Variants in DNAH3 observed in about 807,000 individuals in gnomAD.
DNAH3 encodes the protein dynein axonemal heavy chain 3.
A neutral mutation model predicts 432.5 loss-of-function variants in DNAH3; 332 were observed. That is an observed-to-expected ratio of 0.77 (90% CI 0.70 to 0.84). DNAH3 has a LOEUF of 0.84. Among genes scored for constraint, DNAH3 ranks in the 40% least tolerant of loss-of-function variants. The probability of loss-of-function intolerance (pLI) is 0.00; values close to 1 mark genes in which losing one functional copy is unlikely to be tolerated. For synonymous variants in DNAH3, 1,956 were observed against 1,900.2 expected (o/e 1.03, Z -0.76); for missense variants, 4,861 against 5,114.0 (o/e 0.95, Z 1.51).
At chr16:20,982,833 G>A (rs773516017) in exon 49 of DNAH3, 28 of 1,614,198 alleles carry the variant, frequency 1.7e-5, no homozygotes, top group South Asian at 3.3e-5. Context: ...CAATTGATCA[G>A]CGAAGGGAAC....
chr16:20,978,312 T>C (rs1190469785), intron 50 of DNAH3, among the ~76,000 whole-genome samples: 4 of 152,156 alleles, frequency 2.6e-5, no homozygotes, highest in Admixed American at 6.5e-5. Flanking sequence ...GCAGATCACC[T>C]GAGGTCAGGA....
chr16:21,136,503 T>C lies in DNAH3; in HGVS notation c.707A>G (p.Tyr236Cys), dbSNP rs371665649. Residue 236 changes from tyrosine (Y) to cysteine (C), a missense_variant, in exon 6 of 62, where the codon TAC becomes TGC. Physicochemically the swap from Tyr to Cys is radical, Grantham distance 194. Coordinates refer to ENST00000261383, the Ensembl canonical transcript of DNAH3. ...TTTGCGAATTCCATTGGTCAGATAG[T>C]AATAGTATCTCTTCCATAAACAAAC... 4 of 1,613,972 alleles carry C rather than the reference T, an allele frequency of 2.5e-6. No individual in the cohort carries two copies. In the African/African-American group the frequency reaches 5.3e-5, roughly 22 times the overall value.
chr16:21,136,371 A>T, exon 6 of DNAH3: 1 of 1,614,024 alleles, frequency 6.2e-7, no homozygotes, highest in Non-Finnish European at 8.5e-7. Flanking sequence ...CTTCTCCTGC[A>T]CGAGGACCAC....
chr16:20,944,646 G>A (rs2083963178), exon 58 of DNAH3: 8 of 1,614,068 alleles, frequency 5.0e-6, no homozygotes, highest in Non-Finnish European at 6.8e-6. Context: ...GGAGATTCCT[G>A]AGATAGTCGA....
rs182741425 is a variant in DNAH3 at position 21,015,322 on chromosome 16, T to C, written c.6022+4302A>G. Among the ~76,000 whole-genome samples the C allele has an allele frequency of 3.7e-4, 57 of 152,292 alleles. No individual in the cohort carries two copies. In the Middle Eastern group the frequency reaches 0.014, roughly 36 times the overall value. On this transcript the variant is annotated intron_variant, in intron 41 of 61. Coordinates refer to ENST00000261383, the Ensembl canonical transcript of DNAH3. ...TCTAAAAATTTCACATACTGTATGATTCCAAGAATATCATGTCTTGGAAAA... is the reference window on the plus strand; with the variant it reads ...TCTAAAAATTTCACATACTGTATGACTCCAAGAATATCATGTCTTGGAAAA...
At chr16:21,070,780 T>C in exon 22 of DNAH3, 2 of 1,613,464 alleles carry the variant, frequency 1.2e-6, no homozygotes, top group Non-Finnish European at 1.7e-6. Flanking sequence ...CACGTGATCA[T>C]CAAGTAGCAT....
Position 21,069,574 on chromosome 16 carries a change from A to C in DNAH3, c.3222T>G (p.Ile1074Met). The C allele has an allele frequency of 6.2e-7, 1 of 1,609,070 alleles. No homozygotes were observed. The highest frequency in any genetic ancestry group is 1.3e-5 in the African/African-American group (1 of 74,716). ...AGGCATCCAAATTGTCTTGTATGCG[A>C]ATTAGCTTTTCTTCCCATTTCTGTG... is the stretch of plus-strand genomic sequence containing the variant. The change falls in exon 23 of 62, where the codon ATT becomes ATG. Residue 1074 changes from isoleucine to methionine, a missense_variant. Ile to Met is a conservative substitution (Grantham distance 10). Coordinates refer to ENST00000261383, the Ensembl canonical transcript of DNAH3.
At chr16:21,126,299 C>G (rs538245962) in intron 8 of DNAH3, among the ~76,000 whole-genome samples, 1 of 152,300 alleles carries the variant, frequency 6.6e-6, no homozygotes, top group African/African-American at 2.4e-5. Flanking sequence ...TTTCTCTGAT[C>G]GCTAAAAAGG....
chr16:20,972,573 A>C (rs1207818706), intron 51 of DNAH3, among the ~76,000 whole-genome samples: 1 of 151,732 alleles, frequency 6.6e-6, no homozygotes, highest in Admixed American at 6.6e-5. Flanking sequence ...CCTCGTGTCT[A>C]TTCTACCAGG....
At position 21,036,939 on chromosome 16, in the gene DNAH3, G is replaced by C. The variant is rs2089201193; in HGVS notation, c.4951-91C>G. ...CCTAAAATGAGATGTATCAACAACA[G>C]AGATCTTTGAAAAATTCCAGACCTT... is the stretch of plus-strand genomic sequence containing the variant. On this transcript the variant is annotated intron_variant, in intron 34 of 61. Coordinates refer to ENST00000261383, the Ensembl canonical transcript of DNAH3. 3.9e-6 allele frequency: 4 copies of C among 1,038,656 alleles called. No homozygotes were observed. The South Asian group carries it at 6.4e-5, about 17-fold the overall frequency. 64.3% of individuals were successfully genotyped at this position (1,038,656 alleles called of 1,614,324 possible). A position where few individuals can be genotyped will look rare whatever the true frequency, so the allele number is the denominator to read the frequency against.
intron 41 of DNAH3, among the ~76,000 whole-genome samples, chr16:21,014,600 G>A (rs1159931277): frequency 2.0e-5 from 3 of 152,082 alleles, no homozygotes; most frequent in Non-Finnish European, 4.4e-5. Context: ...GGAAGTCCTA[G>A]CTAATGGAAT....
intron 12 of DNAH3, 34 bp downstream of exon 12, chr16:21,117,169 G>A: frequency 6.9e-7 from 1 of 1,453,244 alleles, no homozygotes; most frequent in Non-Finnish European, 9.5e-7. Context: ...ATCCCAAAAA[G>A]CTACATAGCT....
rs141730309 is a variant in DNAH3, at chr16:20,964,628, C to T, written c.9256G>A (p.Gly3086Arg). Residue 3086 changes from glycine (G) to arginine (R), a missense_variant, in exon 53 of 62, where the codon GGG becomes AGG. By Grantham distance (125) the Gly-to-Arg change is moderately radical (BLOSUM62 -2). Transcript: ENST00000261383. Reference sequence around the variant, plus strand: ...TTCTTAATCCATTTATTGGCCTGCCCGTGAGGGTCAATCATTAAGGCCCAG... The same window carrying T: ...TTCTTAATCCATTTATTGGCCTGCCTGTGAGGGTCAATCATTAAGGCCCAG... 2.8e-5 allele frequency: 46 copies of T among 1,614,108 alleles called. No homozygotes were observed. The Middle Eastern group carries it at 4.9e-4, about 17-fold the overall frequency.
chr16:21,043,837 AT>A (rs1268553410), intron 31 of DNAH3, among the ~76,000 whole-genome samples: 2 of 122,462 alleles, frequency 1.6e-5, no homozygotes, highest in Non-Finnish European at 3.4e-5. Context: ...TCCATCTTGA[AT>A]TGATTTTTGT....
intron 8 of DNAH3, 115 bp from the exon 10 acceptor site, chr16:21,125,485 G>T: frequency 2.7e-6 from 2 of 754,498 alleles, no homozygotes; most frequent in Non-Finnish European, 3.9e-6. Flanking sequence ...CCACCAAGCA[G>T]CCTTGCAAAT....
chr16:20,937,366 T>C (rs1019003036), intron 59 of DNAH3, among the ~76,000 whole-genome samples: 2 of 152,116 alleles, frequency 1.3e-5, no homozygotes, highest in African/African-American at 4.8e-5. Flanking sequence ...TATTCCTCTA[T>C]TGTTGACGTG....
Position 21,069,500 on chromosome 16 carries a change from G to C in DNAH3, c.3296C>G (p.Ser1099Ter). 1.2e-6 allele frequency: 2 copies of C among 1,614,080 alleles called. No individual in the cohort carries two copies. The highest frequency in any genetic ancestry group is 2.2e-5 in the South Asian group (2 of 91,062). The change falls in exon 23 of 62, where the codon TCA (serine) becomes TGA (stop). Residue 1099 changes from serine (S) to a stop codon, truncating the protein, a stop_gained. Transcript: ENST00000261383. LOFTEE classifies it high-confidence loss of function. ...TGGCATCTGGGCTATGATGTCCTCT[G>C]AACTGAAGATTGGTTCCAGGTACAG...
At chr16:20,965,295 A>T in exon 53 of DNAH3, 1 of 1,613,440 alleles carries the variant, frequency 6.2e-7, no homozygotes, top group East Asian at 2.2e-5. Flanking sequence ...GGTGATTGAT[A>T]AACCTTTCCC....
Position 20,982,838 on chromosome 16 carries a change from G to A in DNAH3, c.7742C>T (p.Pro2581Leu), listed in dbSNP as rs142897752. 1,227 of 1,614,176 alleles carry A rather than the reference G, an allele frequency of 7.6e-4. 1 individual carries two copies. The highest frequency in any genetic ancestry group is 9.0e-4 in the Non-Finnish European group (1,062 of 1,180,028). The change falls in exon 49 of 62, where the codon CCT (proline) becomes CTT (leucine). Residue 2581 changes from proline (P) to leucine (L), a missense_variant. Transcript: ENST00000261383. ...AATCGTACAGCAATTGATCAGCGAA[G>A]GGAACATCCGCAGGCGGTTCCTGAA... is the stretch of plus-strand genomic sequence containing the variant.
Sources: gnomAD v4.1 joint callset for allele counts (sites outside exome capture counted in the v4.1 genomes callset) on GRCh38, gnomAD v4.1.1 for gene constraint, MANE v1.5 for transcripts, NCBI Gene and HGNC (gene_info 2026-07-23, HGNC 2026-07-21) for gene names.